The following WNT7B variants were observed in gnomAD, a reference collection of about 807,000 sequenced individuals.
The protein encoded by WNT7B is protein Wnt-7b.
A neutral mutation model predicts 38.2 loss-of-function variants in WNT7B; 19 were observed. The ratio of observed to expected loss-of-function variants is 0.50; its 90% CI spans 0.35 to 0.73. The LOEUF (loss-of-function observed/expected upper bound fraction) is 0.73, where lower values mean the gene tolerates loss of function less well. WNT7B is among the 30% of genes least tolerant of loss of function. The pLI, the probability that WNT7B is intolerant of heterozygous loss-of-function variation, is 0.01. For synonymous variants in WNT7B, 243 were observed against 209.3 expected, an observed-to-expected ratio of 1.16 and a Z score of -1.39; for missense variants, 423 against 507.9, an observed-to-expected ratio of 0.83 and a Z score of 1.61.
intron 2 of WNT7B, among the ~76,000 whole-genome samples, chr22:45,934,854 CAG>C (rs1332244985): frequency 6.6e-6 from 1 of 152,234 alleles, no homozygotes; most frequent in Non-Finnish European, 1.5e-5. Flanking sequence ...AGGTGAGCTG[CAG>C]AGAGTCATAG....
At position 45,966,532 on chromosome 22, in the gene WNT7B, C is replaced by A. The variant is rs1380635870; in HGVS notation, c.71+10152G>T. ...TCATGGGATAGGACTCCAGGGGATG[C>A]TCACTCGGGCTCTTCTCCGTTGCTG... On this transcript the variant is annotated intron_variant, in intron 1 of 3. Coordinates refer to ENST00000339464, the MANE Select transcript of WNT7B (RefSeq NM_058238.3). The surrounding 1 kb of genome is among the most constrained non-coding windows in gnomAD (Gnocchi z 4.2). 2.0e-5 allele frequency among the ~76,000 whole-genome samples: 3 copies of A among 152,216 alleles called. No individual in the cohort carries two copies. The highest frequency in any genetic ancestry group is 4.1e-4 in the South Asian group (2 of 4,832).
chr22:45,933,916 C>T (rs894137263), intron 2 of WNT7B, among the ~76,000 whole-genome samples: 1 of 152,182 alleles, frequency 6.6e-6, no homozygotes, highest in Admixed American at 6.5e-5. Context: ...GGTGCCAGGG[C>T]CAGCTGCTGG....
At chr22:45,930,708 G>C (rs1931317994) in intron 3 of WNT7B, among the ~76,000 whole-genome samples, 1 of 152,216 alleles carries the variant, frequency 6.6e-6, no homozygotes, top group South Asian at 2.1e-4. Flanking sequence ...CCTCTGCCAG[G>C]AAGTCTTTCC....
At chr22:45,934,900 C>T (rs750126994) in intron 2 of WNT7B, among the ~76,000 whole-genome samples, 17 of 152,334 alleles carry the variant, frequency 1.1e-4, no homozygotes, top group Admixed American at 2.6e-4. Flanking sequence ...ACCTTAGGTC[C>T]GGCGAGAGTC....
chr22:45,933,967 G>A (rs574594714), intron 2 of WNT7B, among the ~76,000 whole-genome samples: 4 of 152,346 alleles, frequency 2.6e-5, no homozygotes, highest in African/African-American at 7.2e-5. Flanking sequence ...CCACACAGGC[G>A]TGGATTCCGG....
In WNT7B at chr22:45,951,653, C is replaced by G. The variant is rs188719263; in HGVS notation, c.72-1507G>C. ...GAACCATTCATTGTGTGACCTTTGG[C>G]GTCTGGCTTCTTTCACTTAGCGTCG... is the stretch of plus-strand genomic sequence containing the variant. On this transcript the variant is annotated intron_variant, in intron 1 of 3. Coordinates refer to ENST00000339464, the MANE Select transcript of WNT7B (RefSeq NM_058238.3). The surrounding 1 kb of genome is among the most constrained non-coding windows in gnomAD (Gnocchi z 4.8). 6.6e-6 allele frequency among the ~76,000 whole-genome samples: 1 copy of G among 152,158 alleles called. No homozygotes were observed. The highest frequency in any genetic ancestry group is 1.5e-5 in the Non-Finnish European group (1 of 68,038).
At chr22:45,936,112 G>A in intron 2 of WNT7B, 1 of 985,424 alleles carries the variant, frequency 1.0e-6, no homozygotes, top group Non-Finnish European at 1.2e-6. Flanking sequence ...CACTGGGTGG[G>A]TTTCTGAGTA....
At chr22:45,953,077 C>G (rs1195287911) in intron 1 of WNT7B, among the ~76,000 whole-genome samples, 1 of 152,172 alleles carries the variant, frequency 6.6e-6, no homozygotes, top group Non-Finnish European at 1.5e-5. Flanking sequence ...GCGCGGTGGG[C>G]ACTGGTTTTG....
chr22:45,951,350 T>A lies in WNT7B; in HGVS notation c.72-1204A>T, dbSNP rs1931928492. 6.6e-6 allele frequency among the ~76,000 whole-genome samples: 1 copy of A among 152,200 alleles called. No homozygotes were observed. On this transcript the variant is annotated intron_variant, in intron 1 of 3. Transcript: ENST00000339464. This position sits in a 1 kb window ranked among gnomAD's most constrained non-coding sequence, Gnocchi z 4.8. ...CCTCGGCCTCCCAAAATGCTGGGATTACAGGTGTGAGCCACTGCACCCAGC... is the reference window on the plus strand; with the variant it reads ...CCTCGGCCTCCCAAAATGCTGGGATAACAGGTGTGAGCCACTGCACCCAGC...
At chr22:45,925,052 T>A (rs1931040487) in intron 3 of WNT7B, 1 of 963,318 alleles carries the variant, frequency 1.0e-6, no homozygotes, top group Admixed American at 7.2e-5. Context: ...ATCAGGTGGG[T>A]GCTGGGTGGG....
intron 3 of WNT7B, among the ~76,000 whole-genome samples, chr22:45,930,550 G>C (rs1219819521): frequency 6.6e-6 from 1 of 152,316 alleles, no homozygotes; most frequent in Admixed American, 6.5e-5. Flanking sequence ...GTCCCTGCCT[G>C]AATTTCCTCC....
In WNT7B at chr22:45,948,501, C is replaced by A. The variant is rs911088018; in HGVS notation, c.298+1419G>T. Among the ~76,000 whole-genome samples the A allele has an allele frequency of 3.3e-5, 5 of 152,252 alleles. No homozygotes were observed. The East Asian group carries it at 9.6e-4, about 29-fold the overall frequency. On this transcript the variant is annotated intron_variant, in intron 2 of 3. Coordinates refer to ENST00000339464, the MANE Select transcript of WNT7B (RefSeq NM_058238.3). ...AACCTAGGTCTGGCCTGTGTCCCGG[C>A]AGCTGCGGCTCTGCTCGGCTCCAGG...
At chr22:45,971,800 G>C (rs1389894792) in intron 1 of WNT7B, among the ~76,000 whole-genome samples, 1 of 152,204 alleles carries the variant, frequency 6.6e-6, no homozygotes, top group Non-Finnish European at 1.5e-5. Flanking sequence ...GGGGTCCCCC[G>C]CTGGTCCAGG....
At chr22:45,925,955 C>T (rs1008837356) in intron 3 of WNT7B, 3 of 985,186 alleles carry the variant, frequency 3.0e-6, no homozygotes, top group Non-Finnish European at 3.6e-6. Context: ...GGTACTGTGC[C>T]CTGTATCCCT....
chr22:45,930,191 A>G (rs73175055), intron 3 of WNT7B, among the ~76,000 whole-genome samples: 15,578 of 152,256 alleles, frequency 0.1, 1,018 homozygotes, highest in East Asian at 0.2. Flanking sequence ...CCCAGTTCCC[A>G]CAGCCAGGGC....
chr22:45,976,582 G>A lies in WNT7B; in HGVS notation c.71+102C>T. 2 of 1,286,794 alleles carry A rather than the reference G, an allele frequency of 1.6e-6. No individual in the cohort carries two copies. The highest frequency in any genetic ancestry group is 2.2e-6 in the Non-Finnish European group (2 of 914,902). 79.7% of individuals were successfully genotyped at this position (1,286,794 alleles called of 1,614,324 possible). On this transcript the variant is annotated intron_variant, in intron 1 of 3. Coordinates refer to ENST00000339464, the MANE Select transcript of WNT7B (RefSeq NM_058238.3). The surrounding 1 kb of genome is among the most constrained non-coding windows in gnomAD (Gnocchi z 8.5). ...CAGCCCCGGAGCCCAGAGAGCTGCA[G>A]TGGCCCCCTCCAGTCCCCACGTCCC...
At chr22:45,972,116 G>GGGGGGGGGGGCC in intron 1 of WNT7B, 3 of 530,742 alleles carry the variant, frequency 5.7e-6, no homozygotes, top group Non-Finnish European at 9.9e-6. Flanking sequence ...CCCGGGGGGA[G>GGGGGGGGGGGCC]CCCACCCGCC....
rs1445550098 is a variant in WNT7B at position 45,951,053 on chromosome 22, C to T, written c.72-907G>A. 2.0e-5 allele frequency among the ~76,000 whole-genome samples: 3 copies of T among 152,204 alleles called. No individual in the cohort carries two copies. The highest frequency in any genetic ancestry group is 2.9e-5 in the Non-Finnish European group (2 of 68,042). ...CTCACTCTACTTCAAGTGATATCAG[C>T]GGGATTGTCATTTGTTCATTTGTTT... On this transcript the variant is annotated intron_variant, in intron 1 of 3. Coordinates refer to ENST00000339464, the MANE Select transcript of WNT7B (RefSeq NM_058238.3). This position sits in a 1 kb window ranked among gnomAD's most constrained non-coding sequence, Gnocchi z 4.8.
At chr22:45,940,189 C>T (rs886868828) in intron 2 of WNT7B, among the ~76,000 whole-genome samples, 2 of 152,080 alleles carry the variant, frequency 1.3e-5, no homozygotes, top group Non-Finnish European at 2.9e-5. Context: ...GTTTCATACC[C>T]GTGTCCTACT....
Sources: gnomAD v4.1 joint callset for allele counts (sites outside exome capture counted in the v4.1 genomes callset) on GRCh38, gnomAD v4.1.1 for gene constraint, Gnocchi (gnomAD v3.1) non-coding constraint, MANE v1.5 for transcripts, NCBI Gene and HGNC (gene_info 2026-07-23, HGNC 2026-07-21) for gene names.